TTLL5: variants seen among roughly 807,000 people sequenced by gnomAD.
TTLL5 encodes tubulin polyglutamylase TTLL5.
Under a neutral mutation model 168.4 loss-of-function variants are expected in TTLL5, and 132 were observed. The ratio of observed to expected loss-of-function variants is 0.78; its 90% CI spans 0.68 to 0.91. TTLL5 has a LOEUF of 0.91. TTLL5 is among the 40% of genes least tolerant of loss of function. TTLL5 has a pLI of 0.00. For synonymous variants in TTLL5, 546 were observed against 558.6 expected (o/e 0.98, Z 0.32); for missense variants, 1,545 against 1,581.5 (o/e 0.98, Z 0.39).
At chr14:75,743,543 G>A (rs1889395214) in intron 15 of TTLL5, among the ~76,000 whole-genome samples, 1 of 148,624 alleles carries the variant, frequency 6.7e-6, no homozygotes, top group African/African-American at 2.5e-5. Flanking sequence ...GTCTGGGGGA[G>A]AGAGAGTGAG....
At chr14:75,752,401 T>C (rs1295324452) in intron 17 of TTLL5, among the ~76,000 whole-genome samples, 2 of 152,226 alleles carry the variant, frequency 1.3e-5, no homozygotes, top group Admixed American at 1.3e-4. Flanking sequence ...GATCCAACTT[T>C]TGAAAGTTTG....
chr14:75,884,995 C>T (rs1180216504), intron 30 of TTLL5, among the ~76,000 whole-genome samples: 1 of 149,516 alleles, frequency 6.7e-6, no homozygotes, highest in African/African-American at 2.5e-5. Flanking sequence ...ATGGTGAAAC[C>T]CTGTCTCTAC....
chr14:75,757,104 A>G (rs904133759), intron 18 of TTLL5, among the ~76,000 whole-genome samples: 4 of 151,836 alleles, frequency 2.6e-5, no homozygotes, highest in Admixed American at 2.6e-4. Flanking sequence ...CAGCCTCCCA[A>G]GTAGCTGGGA....
chr14:75,843,525 C>A (rs1896367480), intron 28 of TTLL5, among the ~76,000 whole-genome samples: 1 of 152,210 alleles, frequency 6.6e-6, no homozygotes, highest in African/African-American at 2.4e-5. Context: ...GAAATGAAAT[C>A]TTATTTTTTG....
At chr14:75,718,543 G>A (rs1472207012) in intron 10 of TTLL5, among the ~76,000 whole-genome samples, 1 of 152,204 alleles carries the variant, frequency 6.6e-6, no homozygotes, top group Non-Finnish European at 1.5e-5. Flanking sequence ...ACCAGAAGTA[G>A]TACCGAAGTG....
intron 31 of TTLL5, among the ~76,000 whole-genome samples, chr14:75,926,820 A>T (rs2034087488): frequency 6.6e-6 from 1 of 152,260 alleles, no homozygotes; most frequent in Non-Finnish European, 1.5e-5. Context: ...ATATACATTT[A>T]GGAGAAATGA....
At chr14:75,936,782 C>T (rs2034445917) in intron 31 of TTLL5, among the ~76,000 whole-genome samples, 1 of 152,132 alleles carries the variant, frequency 6.6e-6, no homozygotes, top group Non-Finnish European at 1.5e-5. Flanking sequence ...GTGGAATTAA[C>T]ATTTGTAGCC....
At chr14:75,697,837 C>T (rs1885978658) in intron 6 of TTLL5, among the ~76,000 whole-genome samples, 1 of 152,146 alleles carries the variant, frequency 6.6e-6, no homozygotes, top group Non-Finnish European at 1.5e-5. Flanking sequence ...TAGGTTTATG[C>T]TGTTGTATTC....
intron 2 of TTLL5, among the ~76,000 whole-genome samples, chr14:75,663,649 A>G (rs1429134016): frequency 8.5e-5 from 13 of 152,220 alleles, no homozygotes; most frequent in Non-Finnish European, 1.9e-4. Context: ...GGTAATATAG[A>G]GAGGTCAGGT....
At chr14:75,792,844 T>G (rs1892801945) in intron 26 of TTLL5, 72 bp from the exon 27 acceptor site, 1 of 1,379,948 alleles carries the variant, frequency 7.2e-7, no homozygotes, top group Non-Finnish European at 9.7e-7. Flanking sequence ...GACCTGAGAT[T>G]TCTGTCATTA....
chr14:75,873,190 C>T (rs1486072917), intron 29 of TTLL5, among the ~76,000 whole-genome samples: 1 of 151,592 alleles, frequency 6.6e-6, no homozygotes, highest in African/African-American at 2.4e-5. Context: ...TCTCCTGCCT[C>T]AGCCTCCCAA....
In TTLL5 at chr14:75,765,989, AG is replaced by A. The variant is rs1824125553; in HGVS notation, c.1709-72del. 9 of 1,387,566 alleles carry A rather than the reference AG, an allele frequency of 6.5e-6. No homozygotes were observed. In the South Asian group the frequency reaches 1.1e-4, roughly 18 times the overall value. 86.0% of individuals were successfully genotyped at this position (1,387,566 alleles called of 1,614,324 possible). A position where few individuals can be genotyped will look rare whatever the true frequency, so the allele number is the denominator to read the frequency against. ...TTAGAAATGGGCTTTTACTAAAAAG[AG>A]AAAAGGAAGGTATTGGGAGAGAGGA... On this transcript the variant is annotated intron_variant, in intron 19 of 31. Transcript: ENST00000298832.
chr14:75,742,804 C>A (rs1188315867), intron 15 of TTLL5, among the ~76,000 whole-genome samples: 1 of 152,136 alleles, frequency 6.6e-6, no homozygotes, highest in Non-Finnish European at 1.5e-5. Flanking sequence ...TCAAACTATC[C>A]ATTTAATATT....
intron 3 of TTLL5, among the ~76,000 whole-genome samples, chr14:75,674,830 A>G (rs1253332042): frequency 6.6e-6 from 1 of 152,162 alleles, no homozygotes; most frequent in African/African-American, 2.4e-5. Flanking sequence ...AAGTAAAAGG[A>G]AACAGGTAGG....
intron 23 of TTLL5, 132 bp downstream of exon 23, chr14:75,776,982 C>T (rs762115586): frequency 2.7e-5 from 19 of 701,938 alleles, no homozygotes; most frequent in Non-Finnish European, 4.1e-5. Context: ...CACAGTGGCA[C>T]ACCCCTTTAG....
At chr14:75,707,746 T>C (rs755079263) in intron 9 of TTLL5, 39 bp downstream of exon 9, 1 of 1,492,258 alleles carries the variant, frequency 6.7e-7, no homozygotes, top group Non-Finnish European at 9.3e-7. Flanking sequence ...TGGGTGGGTA[T>C]ATTAAGGGTG....
At chr14:75,830,555 A>G (rs145849326) in intron 28 of TTLL5, among the ~76,000 whole-genome samples, 1,887 of 152,336 alleles carry the variant, frequency 0.012, 15 homozygotes, top group South Asian at 0.025. Context: ...ATAAATATAT[A>G]CAGTTTTTAT....
At chr14:75,846,178 G>T (rs1477150434) in intron 28 of TTLL5, among the ~76,000 whole-genome samples, 1 of 152,172 alleles carries the variant, frequency 6.6e-6, no homozygotes, top group Non-Finnish European at 1.5e-5. Flanking sequence ...ACTAAATTTT[G>T]TCTTGCTTTG....
At chr14:75,680,541 C>T (rs1316030224) in intron 3 of TTLL5, among the ~76,000 whole-genome samples, 5 of 151,834 alleles carry the variant, frequency 3.3e-5, no homozygotes, top group Non-Finnish European at 4.4e-5. Flanking sequence ...CCTTGGGCTA[C>T]CAGTTTCTAA....
Sources: allele counts gnomAD v4.1 joint callset (sites outside exome capture counted in the v4.1 genomes callset), GRCh38; gene constraint gnomAD v4.1.1; transcripts MANE v1.5; gene names NCBI Gene and HGNC (gene_info 2026-07-23, HGNC 2026-07-21).